The following PSMD1 variants were observed in gnomAD, a reference collection of about 807,000 sequenced individuals.
The protein encoded by PSMD1 is 26S proteasome non-ATPase regulatory subunit 1.
In PSMD1, 18 loss-of-function variants were observed where a neutral mutation model predicts 119.0. The ratio of observed to expected loss-of-function variants is 0.15; its 90% CI spans 0.10 to 0.22. The LOEUF (loss-of-function observed/expected upper bound fraction) is 0.22. PSMD1 is among the 10% of genes least tolerant of loss of function. The probability of loss-of-function intolerance (pLI) is 1.00; values close to 1 mark genes in which losing one functional copy is unlikely to be tolerated. For synonymous variants in PSMD1, 374 were observed against 396.6 expected (o/e 0.94, Z 0.68); for missense variants, 702 against 1,158.5 (o/e 0.61, Z 5.72).
chr2:231,123,647 G>A (rs1695632782), intron 16 of PSMD1: 1 of 1,613,862 alleles, frequency 6.2e-7, no homozygotes, highest in Non-Finnish European at 8.5e-7. Flanking sequence ...ATTTCCTCTG[G>A]TATTGATTCT....
intron 1 of PSMD1, among the ~76,000 whole-genome samples, chr2:231,059,088 C>CTTGACTTTTTA (rs1194514451): frequency 1.3e-5 from 2 of 152,156 alleles, no homozygotes; most frequent in Non-Finnish European, 2.9e-5. Flanking sequence ...AGCAATTAAT[C>CTTGACTTTTTA]AGTCCCTTGA....
rs1404463554 is a variant in PSMD1, at chr2:231,069,775, T to C, written c.511-250T>C. On this transcript the variant is annotated intron_variant, in intron 5 of 24. Transcript: ENST00000308696. ...ACTTTATTATAGTATACTATGTTCATGTAATAGTGATTCTGAGTACCACTA... is the reference window on the plus strand; with the variant it reads ...ACTTTATTATAGTATACTATGTTCACGTAATAGTGATTCTGAGTACCACTA... 4.6e-5 allele frequency among the ~76,000 whole-genome samples: 7 copies of C among 152,360 alleles called. No homozygotes were observed. In the East Asian group the frequency reaches 1.3e-3, roughly 29 times the overall value.
At chr2:231,171,840 G>A (rs978209257) in intron 24 of PSMD1, among the ~76,000 whole-genome samples, 6 of 152,022 alleles carry the variant, frequency 3.9e-5, no homozygotes, top group African/African-American at 1.5e-4. Flanking sequence ...ACAGGTGTGA[G>A]CCACCACGCC....
chr2:231,147,530 C>T (rs1420632677), intron 18 of PSMD1, among the ~76,000 whole-genome samples: 1 of 152,170 alleles, frequency 6.6e-6, no homozygotes, highest in African/African-American at 2.4e-5. Context: ...ATGATAATCT[C>T]TCAGTCCTCA....
chr2:231,123,024 C>T (rs188311325), intron 16 of PSMD1, among the ~76,000 whole-genome samples: 4 of 152,080 alleles, frequency 2.6e-5, no homozygotes, highest in South Asian at 2.1e-4. Context: ...GTTAACCCAG[C>T]GCATATCTGT....
rs572748469 is a variant in PSMD1 at position 231,112,992 on chromosome 2, C to T, written c.1884-25744C>T. Among the ~76,000 whole-genome samples the T allele has an allele frequency of 1.4e-4, 21 of 152,144 alleles. No individual in the cohort carries two copies. The East Asian group carries it at 4.1e-3, about 29-fold the overall frequency. ...CCAGCCTGGGCAACATGACAAAACCCCACCTCTACCAAAAATACAAAAATT... is the reference window on the plus strand; with the variant it reads ...CCAGCCTGGGCAACATGACAAAACCTCACCTCTACCAAAAATACAAAAATT... On this transcript the variant is annotated intron_variant, in intron 16 of 24. Transcript: ENST00000308696.
chr2:231,071,371 G>T (rs1246335421), intron 6 of PSMD1, among the ~76,000 whole-genome samples: 2 of 151,918 alleles, frequency 1.3e-5, no homozygotes, highest in East Asian at 3.9e-4. Flanking sequence ...GAATGATGGG[G>T]TATACAATGA....
intron 16 of PSMD1, among the ~76,000 whole-genome samples, chr2:231,096,013 G>T (rs1333587675): frequency 6.6e-6 from 1 of 152,218 alleles, no homozygotes; most frequent in Non-Finnish European, 1.5e-5. Flanking sequence ...CCATGTTAAG[G>T]GTAGGGGAGG....
chr2:231,135,147 A>C (rs920899448), intron 16 of PSMD1, among the ~76,000 whole-genome samples: 1 of 152,190 alleles, frequency 6.6e-6, no homozygotes, highest in African/African-American at 2.4e-5. Context: ...AAGAGCTTTA[A>C]GTTCTTAGCC....
chr2:231,141,421 C>CTTTT (rs34818750), intron 17 of PSMD1, among the ~76,000 whole-genome samples: 2 of 104,224 alleles, frequency 1.9e-5, no homozygotes, highest in South Asian at 2.8e-4. Context: ...CCCTGCTATA[C>CTTTT]TTTTTTTTTT....
intron 20 of PSMD1, 127 bp downstream of exon 20, chr2:231,161,636 C>T: frequency 9.3e-7 from 1 of 1,079,814 alleles, no homozygotes; most frequent in Non-Finnish European, 1.3e-6. Context: ...TAACATTTTC[C>T]CTTCAAGTTG....
chr2:231,157,058 C>A (rs1370509471), intron 19 of PSMD1, among the ~76,000 whole-genome samples: 1 of 152,036 alleles, frequency 6.6e-6, no homozygotes, highest in Non-Finnish European at 1.5e-5. Context: ...TTAGGGATAA[C>A]ATTTTACTGC....
chr2:231,073,202 A>G (rs1242800167), intron 7 of PSMD1, among the ~76,000 whole-genome samples: 4 of 152,290 alleles, frequency 2.6e-5, no homozygotes, highest in Middle Eastern at 3.4e-3. Context: ...TGGTGTCCCA[A>G]AACAACTACA....
chr2:231,147,957 G>A (rs1696287695), intron 18 of PSMD1, among the ~76,000 whole-genome samples: 2 of 152,194 alleles, frequency 1.3e-5, no homozygotes, highest in South Asian at 2.1e-4. Flanking sequence ...GTTCTAAACA[G>A]TTGCTGTCAT....
At chr2:231,057,160 G>A in intron 1 of PSMD1, 119 bp downstream of exon 1, 1 of 1,258,510 alleles carries the variant, frequency 7.9e-7, no homozygotes, top group Middle Eastern at 2.8e-4. Context: ...GCAGCTTCTT[G>A]CTGCCCAGGG....
At chr2:231,123,554 C>T (rs1695626202) in intron 16 of PSMD1, 4 of 1,614,036 alleles carry the variant, frequency 2.5e-6, no homozygotes, top group Non-Finnish European at 3.4e-6. Context: ...AGGGTATTTC[C>T]ACCAATTGTG....
chr2:231,124,841 T>C (rs1191653244), intron 16 of PSMD1: 11 of 152,182 alleles, frequency 7.2e-5, no homozygotes, highest in Non-Finnish European at 7.3e-5. Flanking sequence ...AACTCTCCTT[T>C]AGCATTAGTA....
intron 19 of PSMD1, among the ~76,000 whole-genome samples, chr2:231,155,786 A>G (rs569236402): frequency 6.6e-6 from 1 of 151,954 alleles, no homozygotes; most frequent in African/African-American, 2.4e-5. Context: ...TTTAATATTG[A>G]GGCATAGTTT....
chr2:231,089,594 GATAT>G (rs140932102), intron 16 of PSMD1, among the ~76,000 whole-genome samples: 4 of 143,102 alleles, frequency 2.8e-5, no homozygotes, highest in African/African-American at 2.7e-5. Context: ...GAATTAATAG[GATAT>G]ATATATATAT....
Sources: allele counts gnomAD v4.1 joint callset (sites outside exome capture counted in the v4.1 genomes callset), GRCh38; gene constraint gnomAD v4.1.1; transcripts MANE v1.5; gene names NCBI Gene and HGNC (gene_info 2026-07-23, HGNC 2026-07-21).